The following MACROD2 variants were observed in gnomAD, a reference collection of about 807,000 sequenced individuals.
The protein encoded by MACROD2 is ADP-ribose glycohydrolase MACROD2.
In MACROD2, 36 loss-of-function variants were observed where a neutral mutation model predicts 70.4. The observed-to-expected ratio is 0.51, with a 90% CI of 0.39 to 0.68. The LOEUF is 0.68. Ranked by LOEUF, MACROD2 falls within the 30% of genes least tolerant of loss-of-function variation. The probability of loss-of-function intolerance (pLI) is 0.00; values close to 1 mark genes in which losing one functional copy is unlikely to be tolerated. For synonymous variants in MACROD2, 172 were observed against 178.8 expected, an observed-to-expected ratio of 0.96 and a Z score of 0.30; for missense variants, 496 against 538.4, an observed-to-expected ratio of 0.92 and a Z score of 0.78.
At position 15,654,283 on chromosome 20, in the gene MACROD2, C is replaced by A. The variant is rs932379573; in HGVS notation, c.645+154436C>A. 4.6e-5 allele frequency among the ~76,000 whole-genome samples: 7 copies of A among 151,618 alleles called. No homozygotes were observed. The East Asian group carries it at 8.2e-4, about 18-fold the overall frequency. ...CATTTACTTAGCATACTGAGCTCCA[C>A]CTTTACCATAGTGACCTCCTGGTAA... is the stretch of plus-strand genomic sequence containing the variant. On this transcript the variant is annotated intron_variant, in intron 8 of 17. Transcript: ENST00000684519.
intron 6 of MACROD2, among the ~76,000 whole-genome samples, chr20:15,281,562 G>C (rs6043169): frequency 0.2 from 30,656 of 152,126 alleles, 3,196 homozygotes; most frequent in Middle Eastern, 0.28. Context: ...AAACCTCAAA[G>C]TTCCAAAATT....
intron 5 of MACROD2, among the ~76,000 whole-genome samples, chr20:14,956,246 C>G (rs77818452): frequency 2.0e-5 from 3 of 152,088 alleles, no homozygotes; most frequent in African/African-American, 7.2e-5. Context: ...TGACGAACTG[C>G]AGCTTATGAC....
At chr20:15,428,684 T>C (rs2046329501) in intron 6 of MACROD2, among the ~76,000 whole-genome samples, 2 of 152,230 alleles carry the variant, frequency 1.3e-5, no homozygotes, top group African/African-American at 4.8e-5. Flanking sequence ...TTAGTATATG[T>C]GTTTAACTTT....
intron 5 of MACROD2, among the ~76,000 whole-genome samples, chr20:15,155,246 C>T (rs1431042191): frequency 2.0e-5 from 3 of 152,144 alleles, no homozygotes; most frequent in Admixed American, 6.5e-5. Context: ...GTGGGCACCC[C>T]TCTTTCCCTA....
At chr20:16,026,972 G>C (rs1568719390) in intron 15 of MACROD2, among the ~76,000 whole-genome samples, 1 of 152,122 alleles carries the variant, frequency 6.6e-6, no homozygotes, top group East Asian at 1.9e-4. Flanking sequence ...TGCTCTGGGA[G>C]TAATTAACTC....
intron 12 of MACROD2, among the ~76,000 whole-genome samples, chr20:15,946,179 C>G (rs1356260983): frequency 6.6e-6 from 1 of 152,164 alleles, no homozygotes; most frequent in Non-Finnish European, 1.5e-5. Flanking sequence ...TACGCTATAG[C>G]CCAACTCAGT....
chr20:14,127,615 G>A (rs2148696776), intron 3 of MACROD2: 1 of 445,558 alleles, frequency 2.2e-6, no homozygotes, highest in South Asian at 2.9e-5. Flanking sequence ...TGAAACAAGA[G>A]CTAATTCAGA....
intron 3 of MACROD2, among the ~76,000 whole-genome samples, chr20:14,235,780 A>G (rs961245978): frequency 1.3e-5 from 2 of 152,172 alleles, no homozygotes; most frequent in African/African-American, 2.4e-5. Context: ...TTACTGGGAC[A>G]TTCGCACTCC....
At chr20:14,554,591 C>T (rs984569680) in intron 4 of MACROD2, among the ~76,000 whole-genome samples, 3 of 152,104 alleles carry the variant, frequency 2.0e-5, no homozygotes, top group Non-Finnish European at 4.4e-5. Flanking sequence ...CACTTAACCC[C>T]AAACTACCCT....
At chr20:14,124,835 G>A (rs945928065) in intron 3 of MACROD2, among the ~76,000 whole-genome samples, 6 of 152,138 alleles carry the variant, frequency 3.9e-5, no homozygotes, top group East Asian at 1.9e-4. Context: ...ATATGTTTTC[G>A]CAAGAACTTT....
chr20:14,292,564 C>G (rs2082395259), intron 3 of MACROD2, among the ~76,000 whole-genome samples: 1 of 151,900 alleles, frequency 6.6e-6, no homozygotes, highest in South Asian at 2.1e-4. Flanking sequence ...ACTGCAGTAG[C>G]AGGAGCCATT....
intron 3 of MACROD2, among the ~76,000 whole-genome samples, chr20:14,248,358 T>C (rs6105232): frequency 0.8 from 121,061 of 152,098 alleles, 49,309 homozygotes; most frequent in Non-Finnish European, 0.88. Flanking sequence ...CCGAGGCAGG[T>C]GGATCACCTG....
At chr20:14,905,448 A>G (rs2073947777) in intron 5 of MACROD2, 1 of 152,156 alleles carries the variant, frequency 6.6e-6, no homozygotes, top group Non-Finnish European at 1.5e-5. Flanking sequence ...AACAAGGAGA[A>G]GGAAAGGCAA....
chr20:14,710,650 A>C (rs2071327667), intron 5 of MACROD2, among the ~76,000 whole-genome samples: 1 of 152,148 alleles, frequency 6.6e-6, no homozygotes. Flanking sequence ...CAGAAATGCA[A>C]GGTTTATTTA....
intron 8 of MACROD2, among the ~76,000 whole-genome samples, chr20:15,524,637 C>A (rs1485401715): frequency 6.6e-6 from 1 of 152,096 alleles, no homozygotes; most frequent in African/African-American, 2.4e-5. Context: ...AAGGAGCTAT[C>A]ACCTATAGGA....
intron 8 of MACROD2, among the ~76,000 whole-genome samples, chr20:15,559,116 A>G (rs1490715812): frequency 6.6e-6 from 1 of 151,594 alleles, no homozygotes; most frequent in Non-Finnish European, 1.5e-5. Flanking sequence ...AGTCCCAGCT[A>G]CACGGGAGGC....
chr20:15,854,566 A>G (rs1057486846), intron 8 of MACROD2, among the ~76,000 whole-genome samples: 6 of 152,170 alleles, frequency 3.9e-5, no homozygotes, highest in African/African-American at 4.8e-5. Flanking sequence ...CTTTCAGCCA[A>G]CTGTGAAACT....
At position 14,832,035 on chromosome 20, in the gene MACROD2, T is replaced by G. The variant is rs1488125043; in HGVS notation, c.418+147076T>G. Among the ~76,000 whole-genome samples the G allele has an allele frequency of 2.9e-4, 10 of 34,184 alleles. 1 individual carries two copies. Among genetic ancestry groups the G allele is most frequent in the African/African-American group, 5.9e-4 (3 of 5,070 alleles). The allele number at this position is 34,184 out of a possible 152,430, so 22.4% of individuals were successfully genotyped here. ...CACCTCGACTTCATGCCTTTGCGAG[T>G]TTTTTTTTTTTTTTTTTTTTTTTTT... is the stretch of plus-strand genomic sequence containing the variant. On this transcript the variant is annotated intron_variant, in intron 5 of 17. Coordinates refer to ENST00000684519, the MANE Select transcript of MACROD2 (RefSeq NM_001351661.2).
chr20:15,796,305 T>G (rs532770442), intron 8 of MACROD2, among the ~76,000 whole-genome samples: 1 of 152,228 alleles, frequency 6.6e-6, no homozygotes, highest in Non-Finnish European at 1.5e-5. Flanking sequence ...GCAAGGCAGA[T>G]GGACACATTT....
Sources: gnomAD v4.1 joint callset for allele counts (sites outside exome capture counted in the v4.1 genomes callset) on GRCh38, gnomAD v4.1.1 for gene constraint, MANE v1.5 for transcripts, NCBI Gene and HGNC (gene_info 2026-07-23, HGNC 2026-07-21) for gene names.